The following RANBP2 variants were observed in gnomAD, a reference collection of about 807,000 sequenced individuals.
The protein encoded by RANBP2 is RAN binding protein 2.
A neutral mutation model predicts 303.6 loss-of-function variants in RANBP2; 57 were observed. The observed-to-expected ratio is 0.19, with a 90% CI of 0.15 to 0.23. The LOEUF (loss-of-function observed/expected upper bound fraction) is 0.23, where lower values mean the gene tolerates loss of function less well. RANBP2 is among the 10% of genes least tolerant of loss of function. RANBP2 has a pLI of 1.00. For missense variants in RANBP2, 3,138 were observed against 3,780.8 expected, an observed-to-expected ratio of 0.83 and a Z score of 4.46; for synonymous variants, 1,167 against 1,301.5, an observed-to-expected ratio of 0.90 and a Z score of 2.23.
chr2:109,247,227 G>A, the RANBP2 span, among the ~76,000 whole-genome samples: 1 of 152,162 alleles, frequency 6.6e-6, no homozygotes, highest in African/African-American at 2.4e-5. Context: ...CCACACAGAT[G>A]CCCACAGATT....
chr2:109,210,053 A>G, the RANBP2 span, among the ~76,000 whole-genome samples: 2 of 152,184 alleles, frequency 1.3e-5, no homozygotes. Context: ...AGAGTCAAAC[A>G]GTATTTGTCC....
At chr2:109,420,725 A>T in the RANBP2 span, among the ~76,000 whole-genome samples, 1 of 152,156 alleles carries the variant, frequency 6.6e-6, no homozygotes, top group Non-Finnish European at 1.5e-5. Context: ...GATTACAGGC[A>T]TGAGCCACCG....
rs12614691 is a variant in RANBP2, at chr2:108,746,109, G to A, written c.976-602G>A. 0.071 allele frequency among the ~76,000 whole-genome samples: 10,754 copies of A among 151,358 alleles called. 2,757 individuals carry two copies. In the East Asian group the frequency reaches 0.86, roughly 12 times the overall value. ...CATTTTTTAGAGATAGGGTCTCACC[G>A]TGTTGTTCAGGCTGTTCTTGAACTC... On this transcript the variant is annotated intron_variant, in intron 7 of 28. Coordinates refer to ENST00000283195, the MANE Select transcript of RANBP2 (RefSeq NM_006267.5).
chr2:109,376,805 C>T, the RANBP2 span, among the ~76,000 whole-genome samples: 1 of 152,214 alleles, frequency 6.6e-6, no homozygotes, highest in East Asian at 1.9e-4. Context: ...CCCAAGGATC[C>T]TTAGAGACAG....
chr2:109,592,658 T>C, the RANBP2 span, among the ~76,000 whole-genome samples: 4 of 150,486 alleles, frequency 2.7e-5, no homozygotes, highest in Non-Finnish European at 5.9e-5. Context: ...TGGTCACCTG[T>C]GATCCCAGCT....
the RANBP2 span, among the ~76,000 whole-genome samples, chr2:109,118,361 T>A: frequency 1.3e-5 from 2 of 151,952 alleles, no homozygotes; most frequent in Non-Finnish European, 2.9e-5. Flanking sequence ...GCCCACCAGA[T>A]GATTTTCTGG....
At chr2:109,472,458 G>T in the RANBP2 span, among the ~76,000 whole-genome samples, 1 of 152,180 alleles carries the variant, frequency 6.6e-6, no homozygotes, top group East Asian at 1.9e-4. Context: ...GGGGCTTCCC[G>T]TCAGGGCTTG....
At chr2:109,224,607 C>T in the RANBP2 span, among the ~76,000 whole-genome samples, 6 of 152,310 alleles carry the variant, frequency 3.9e-5, no homozygotes, top group East Asian at 1.9e-4. Flanking sequence ...CCTGTAATCC[C>T]GGCACTTTGG....
chr2:108,852,763 G>A, the RANBP2 span, among the ~76,000 whole-genome samples: 2 of 152,194 alleles, frequency 1.3e-5, no homozygotes, highest in African/African-American at 4.8e-5. Flanking sequence ...GGTGGGAGGA[G>A]GGACAGGATC....
the RANBP2 span, among the ~76,000 whole-genome samples, chr2:108,959,280 C>G: frequency 0.27 from 41,118 of 152,112 alleles, 10,005 homozygotes; most frequent in East Asian, 0.95. Context: ...CTGTGGTCTG[C>G]GATCTGGGAA....
At chr2:109,710,614 C>T in the RANBP2 span, among the ~76,000 whole-genome samples, 1 of 152,312 alleles carries the variant, frequency 6.6e-6, no homozygotes, top group African/African-American at 2.4e-5. Flanking sequence ...CCAGACCCCA[C>T]CACCAAGGCC....
At chr2:109,001,362 T>G in the RANBP2 span, among the ~76,000 whole-genome samples, 27 of 152,220 alleles carry the variant, frequency 1.8e-4, no homozygotes, top group African/African-American at 5.3e-4. Context: ...GGGGTCACAG[T>G]AGGGGCAGGG....
the RANBP2 span, among the ~76,000 whole-genome samples, chr2:109,481,546 A>T: frequency 1.3e-5 from 2 of 152,020 alleles, no homozygotes; most frequent in African/African-American, 4.8e-5. Context: ...GTAGATGCGT[A>T]GCTGGCTGTC....
chr2:109,365,105 A>G, the RANBP2 span, among the ~76,000 whole-genome samples: 1 of 152,072 alleles, frequency 6.6e-6, no homozygotes, highest in Non-Finnish European at 1.5e-5. Flanking sequence ...GGCTGTGGTT[A>G]ACTAGTTTAT....
the RANBP2 span, among the ~76,000 whole-genome samples, chr2:109,132,832 T>A: frequency 1.3e-5 from 2 of 152,258 alleles, no homozygotes; most frequent in African/African-American, 2.4e-5. Flanking sequence ...TCAATCAAAT[T>A]GTTTCAGTGC....
chr2:108,895,151 A>G, the RANBP2 span: 2 of 152,672 alleles, frequency 1.3e-5, no homozygotes, highest in African/African-American at 4.8e-5. Flanking sequence ...AGCAGCAAAC[A>G]GACACAGTAA....
chr2:109,641,691 G>A, the RANBP2 span, among the ~76,000 whole-genome samples: 1 of 152,162 alleles, frequency 6.6e-6, no homozygotes, highest in Non-Finnish European at 1.5e-5. Flanking sequence ...TTCATGCACT[G>A]CATCTGGCTG....
chr2:108,821,108 AG>A, the RANBP2 span, among the ~76,000 whole-genome samples: 2 of 152,236 alleles, frequency 1.3e-5, no homozygotes, highest in African/African-American at 4.8e-5. Flanking sequence ...CTGTAATCCT[AG>A]CACTTTAGGA....
At chr2:109,392,418 T>A in the RANBP2 span, among the ~76,000 whole-genome samples, 1 of 152,274 alleles carries the variant, frequency 6.6e-6, no homozygotes, top group African/African-American at 2.4e-5. Flanking sequence ...GCCACATTGC[T>A]GTCACCTCGT....
Sources: gnomAD v4.1 joint callset for allele counts (sites outside exome capture counted in the v4.1 genomes callset) on GRCh38, gnomAD v4.1.1 for gene constraint, MANE v1.5 for transcripts, NCBI Gene and HGNC (gene_info 2026-07-23, HGNC 2026-07-21) for gene names.